Variants in DLG2 observed in about 807,000 individuals in gnomAD.
DLG2 encodes disks large homolog 2.
A neutral mutation model predicts 132.5 loss-of-function variants in DLG2; 45 were observed. The ratio of observed to expected loss-of-function variants is 0.34; its 90% CI spans 0.27 to 0.44. The LOEUF (loss-of-function observed/expected upper bound fraction) is 0.44. Among genes scored for constraint, DLG2 ranks in the 20% least tolerant of loss-of-function variants. The pLI, the probability that DLG2 is intolerant of heterozygous loss-of-function variation, is 1.00. For missense variants in DLG2, 1,045 were observed against 1,196.9 expected, an observed-to-expected ratio of 0.87 and a Z score of 1.87; for synonymous variants, 424 against 419.6, an observed-to-expected ratio of 1.01 and a Z score of -0.13.
At chr11:84,745,234 T>A (rs2065211332) in intron 6 of DLG2, among the ~76,000 whole-genome samples, 3 of 152,204 alleles carry the variant, frequency 2.0e-5, no homozygotes, top group Admixed American at 2.0e-4. Flanking sequence ...TAATCCCAAA[T>A]GTTGGAAGTG....
rs184211590 is a variant in DLG2 at position 85,261,403 on chromosome 11, T to C, written c.186+23817A>G. Among the ~76,000 whole-genome samples the C allele has an allele frequency of 2.2e-3, 331 of 150,936 alleles. 5 individuals are homozygous for C. Among genetic ancestry groups the C allele is most frequent in the African/African-American group, 7.6e-3 (314 of 41,290 alleles). On this transcript the variant is annotated intron_variant, in intron 4 of 27. Transcript: ENST00000376104. Reference sequence around the variant, plus strand: ...CCCCCACCCCCACCACACCTCCCCATAGAACAACAATGACAAGTCTTTGGC... The same window carrying C: ...CCCCCACCCCCACCACACCTCCCCACAGAACAACAATGACAAGTCTTTGGC...
chr11:84,546,526 T>C (rs1387418793), intron 6 of DLG2: 5 of 331,074 alleles, frequency 1.5e-5, no homozygotes, highest in Admixed American at 3.5e-5. Flanking sequence ...CATCAACAAA[T>C]ATCTTTTTCA....
intron 6 of DLG2, among the ~76,000 whole-genome samples, chr11:84,584,789 C>T (rs1322026957): frequency 6.8e-6 from 1 of 146,416 alleles, no homozygotes; most frequent in Admixed American, 6.9e-5. Context: ...CCCGGGTTCA[C>T]GCCATTCTCC....
rs1486299049 is a variant in DLG2, at chr11:85,285,361, G to C, written c.45C>G (p.Ile15Met). ...GCAATGTCACCTCATAAAATTCTTG[G>C]ATATCTGTAAAGAAAATGTAAGGAA... ...KSSLFQALLD[I>M]QEFYEVTLLN... Residue 15 changes from isoleucine to methionine, a missense_variant, in exon 4 of 28, where the codon ATC becomes ATG. Around this residue, in one of 4 missense-constraint regions of DLG2, gnomAD observed 277 missense variants for 238.2 expected, o/e 1.16. Transcript: ENST00000376104. The C allele has an allele frequency of 1.1e-5, 18 of 1,609,786 alleles. No homozygotes were observed. In the East Asian group the frequency reaches 3.6e-4, roughly 32 times the overall value.
At chr11:84,591,341 G>C (rs1479314721) in intron 6 of DLG2, among the ~76,000 whole-genome samples, 2 of 136,108 alleles carry the variant, frequency 1.5e-5, no homozygotes, top group Non-Finnish European at 3.2e-5. Flanking sequence ...TTGTTTGTTT[G>C]TTTGTTTGTT....
chr11:83,780,198 G>A (rs914395558), intron 18 of DLG2, among the ~76,000 whole-genome samples: 1 of 152,160 alleles, frequency 6.6e-6, no homozygotes, highest in African/African-American at 2.4e-5. Flanking sequence ...TTCTTGGATG[G>A]CGTATGTACT....
At chr11:83,907,615 T>C (rs183898353) in intron 15 of DLG2, among the ~76,000 whole-genome samples, 90 of 152,320 alleles carry the variant, frequency 5.9e-4, no homozygotes, top group African/African-American at 2.1e-3. Flanking sequence ...AATGAGCTCA[T>C]GTATGTAACA....
In DLG2 at chr11:85,028,303, C is replaced by A. The variant is rs369048251; in HGVS notation, c.357+83358G>T. 3.3e-5 allele frequency among the ~76,000 whole-genome samples: 5 copies of A among 152,226 alleles called. No homozygotes were observed. The South Asian group carries it at 6.2e-4, about 19-fold the overall frequency. On this transcript the variant is annotated intron_variant, in intron 6 of 27. Coordinates refer to ENST00000376104, the MANE Select transcript of DLG2 (RefSeq NM_001142699.3). ...GTGTGCGGATTGGTCCATGGGCAGC[C>A]AAGAGTAGGTCGGGAAAAAGCACCA...
chr11:84,220,780 C>CTTTTTTTTTTTTTTTTTTT (rs5793114), intron 8 of DLG2, among the ~76,000 whole-genome samples: 4 of 77,542 alleles, frequency 5.2e-5, no homozygotes, highest in Non-Finnish European at 7.2e-5. Flanking sequence ...TTTTTCTTTT[C>CTTTTTTTTTTTTTTTTTTT]TTTTTTTTTT....
chr11:84,909,766 T>C (rs149032376), intron 6 of DLG2, among the ~76,000 whole-genome samples: 310 of 152,308 alleles, frequency 2.0e-3, no homozygotes, highest in Non-Finnish European at 3.7e-3. Flanking sequence ...AGACATTTTA[T>C]GTGCGTTTTT....
At chr11:83,599,859 A>C (rs2058240173) in intron 19 of DLG2, among the ~76,000 whole-genome samples, 1 of 152,196 alleles carries the variant, frequency 6.6e-6, no homozygotes, top group African/African-American at 2.4e-5. Flanking sequence ...ACTAATGTTA[A>C]ATAGGTTTTG....
At chr11:84,726,128 T>C (rs1352272647) in intron 6 of DLG2, among the ~76,000 whole-genome samples, 1 of 152,124 alleles carries the variant, frequency 6.6e-6, no homozygotes, top group Non-Finnish European at 1.5e-5. Context: ...TATTTATTAT[T>C]ATTATACTTT....
rs113089367 is a variant in DLG2 at position 85,187,201 on chromosome 11, T to A, written c.187-32550A>T. ...GAAATCTATAGAATAAAACCGGCAA[T>A]TGCTAAGACTTTACATAATAAAATT... is the stretch of plus-strand genomic sequence containing the variant. On this transcript the variant is annotated intron_variant, in intron 4 of 27. Transcript: ENST00000376104. Among the ~76,000 whole-genome samples, 740 of 152,156 alleles carry A rather than the reference T, an allele frequency of 4.9e-3. 7 individuals carry two copies. The highest frequency in any genetic ancestry group is 0.017 in the African/African-American group (707 of 41,522).
intron 6 of DLG2, among the ~76,000 whole-genome samples, chr11:84,950,013 A>T (rs2050719059): frequency 6.6e-6 from 1 of 152,190 alleles, no homozygotes. Flanking sequence ...TATCCATAAA[A>T]TCTTCACAAT....
chr11:84,590,336 T>A (rs1477708160), intron 6 of DLG2, among the ~76,000 whole-genome samples: 2 of 152,218 alleles, frequency 1.3e-5, no homozygotes, highest in Non-Finnish European at 2.9e-5. Flanking sequence ...ATTTAGCACA[T>A]TTCTTTCTTA....
intron 6 of DLG2, among the ~76,000 whole-genome samples, chr11:84,740,998 C>T (rs191812752): frequency 2.0e-5 from 3 of 151,864 alleles, no homozygotes; most frequent in African/African-American, 7.2e-5. Context: ...GAAGCATCCC[C>T]ATGGACTACG....
chr11:83,853,845 A>G (rs1595476547), intron 16 of DLG2, among the ~76,000 whole-genome samples: 1 of 152,202 alleles, frequency 6.6e-6, no homozygotes, highest in South Asian at 2.1e-4. Context: ...CCCTTTCACC[A>G]CCGCCTTTCG....
chr11:84,061,649 A>G (rs1369471064), intron 10 of DLG2, among the ~76,000 whole-genome samples: 1 of 152,176 alleles, frequency 6.6e-6, no homozygotes, highest in Non-Finnish European at 1.5e-5. Context: ...TATGAAAAGT[A>G]TGGGAAGAAT....
intron 3 of DLG2, among the ~76,000 whole-genome samples, chr11:85,387,089 G>C (rs973970776): frequency 1.3e-5 from 2 of 151,906 alleles, no homozygotes; most frequent in Non-Finnish European, 2.9e-5. Context: ...GGTTTCACCT[G>C]TCTGGTCAGG....
Sources: allele counts gnomAD v4.1 joint callset (sites outside exome capture counted in the v4.1 genomes callset), GRCh38; gene constraint gnomAD v4.1.1; regional missense constraint gnomAD v4.1.1; transcripts MANE v1.5; gene names NCBI Gene and HGNC (gene_info 2026-07-23, HGNC 2026-07-21).